PTPRQ: variants seen among roughly 807,000 people sequenced by gnomAD.
The protein encoded by PTPRQ is protein tyrosine phosphatase receptor type Q.
In PTPRQ, 199 loss-of-function variants were observed where a neutral mutation model predicts 246.0. That is an observed-to-expected ratio of 0.81 (90% CI 0.72 to 0.91). The LOEUF (loss-of-function observed/expected upper bound fraction) is 0.91, where lower values mean the gene tolerates loss of function less well. Among genes scored for constraint, PTPRQ ranks in the 40% least tolerant of loss-of-function variants. The probability of loss-of-function intolerance (pLI) is 0.00; values close to 1 mark genes in which losing one functional copy is unlikely to be tolerated. For missense variants in PTPRQ, 2,624 were observed against 2,528.4 expected (o/e 1.04, Z -0.81); for synonymous variants, 869 against 853.2 (o/e 1.02, Z -0.32).
At position 80,493,598 on chromosome 12, in the gene PTPRQ, C is replaced by T. The variant is rs552213943; in HGVS notation, c.1540+143C>T. On this transcript the variant is annotated intron_variant, in intron 10 of 44. Coordinates refer to ENST00000644991, the MANE Select transcript of PTPRQ (RefSeq NM_001145026.2). ...GATTTTTTTTTAGCTGTCGGAAAAC[C>T]TCATGCAACAAATGGAAATGCCACA... is the stretch of plus-strand genomic sequence containing the variant. The T allele has an allele frequency of 8.6e-5, 108 of 1,251,654 alleles. 1 individual carries two copies. The African/African-American group carries it at 1.5e-3, about 17-fold the overall frequency. 77.5% of individuals were successfully genotyped at this position (1,251,654 alleles called of 1,614,324 possible). A position where few individuals can be genotyped will look rare whatever the true frequency, so the allele number is the denominator to read the frequency against.
At chr12:80,525,248 G>T in intron 17 of PTPRQ, among the ~76,000 whole-genome samples, 1 of 152,226 alleles carries the variant, frequency 6.6e-6, no homozygotes, top group Admixed American at 6.6e-5. Flanking sequence ...AAGGGAACAG[G>T]TCAAGATTAC....
At chr12:80,457,064 C>A (rs57063468) in intron 3 of PTPRQ, among the ~76,000 whole-genome samples, 7,350 of 151,976 alleles carry the variant, frequency 0.048, 591 homozygotes, top group African/African-American at 0.17. Flanking sequence ...TTATTCAAAT[C>A]AAATTTTTTT....
chr12:80,636,954 C>T (rs922624179), intron 35 of PTPRQ, among the ~76,000 whole-genome samples: 1 of 152,038 alleles, frequency 6.6e-6, no homozygotes, highest in Admixed American at 6.6e-5. Flanking sequence ...ACACTAAATA[C>T]ATCATCATAA....
rs746459141 is a variant in PTPRQ, at chr12:80,484,439, G to C, written c.1193G>C (p.Gly398Ala). 5.8e-6 allele frequency: 9 copies of C among 1,542,044 alleles called. No homozygotes were observed. The South Asian group carries it at 1.1e-4, about 19-fold the overall frequency. The change falls in exon 9 of 45, where the codon GGG becomes GCG. Residue 398 changes from glycine (G) to alanine (A), a missense_variant. Gly to Ala is a moderately conservative substitution (Grantham distance 60, BLOSUM62 0). Coordinates refer to ENST00000644991, the MANE Select transcript of PTPRQ (RefSeq NM_001145026.2). ...ISVFTPPDVP[G>A]AVFDLQLAEV... ...TTCTTTCTTTCTTTCTTAGTTCCAG[G>C]GGCAGTGTTTGATTTACAACTTGCA...
At chr12:80,616,150 C>A in intron 29 of PTPRQ, 50 bp from the exon 30 acceptor site, 1 of 1,338,448 alleles carries the variant, frequency 7.5e-7, no homozygotes, top group Non-Finnish European at 9.8e-7. Context: ...TATACACACA[C>A]ATACATAAGC....
intron 16 of PTPRQ, among the ~76,000 whole-genome samples, chr12:80,507,237 T>A (rs1382121235): frequency 6.6e-6 from 1 of 151,992 alleles, no homozygotes; most frequent in East Asian, 1.9e-4. Context: ...GAGGCCACTT[T>A]ACATTGATAC....
chr12:80,449,127 G>A (rs1892654766), intron 3 of PTPRQ, among the ~76,000 whole-genome samples: 1 of 151,390 alleles, frequency 6.6e-6, no homozygotes, highest in South Asian at 2.1e-4. Context: ...GATGGCCAGT[G>A]ATACTGAGCA....
At chr12:80,543,656 T>G (rs1896220740) in intron 23 of PTPRQ, among the ~76,000 whole-genome samples, 1 of 152,150 alleles carries the variant, frequency 6.6e-6, no homozygotes, top group East Asian at 1.9e-4. Context: ...ATGACTATGG[T>G]AAATCATTGT....
At chr12:80,584,598 G>T (rs922204764) in intron 25 of PTPRQ, among the ~76,000 whole-genome samples, 1 of 152,090 alleles carries the variant, frequency 6.6e-6, no homozygotes, top group South Asian at 2.1e-4. Context: ...CAGTCTTGCT[G>T]TTTGTTATTG....
At chr12:80,606,351 G>A (rs1454557048) in intron 27 of PTPRQ, among the ~76,000 whole-genome samples, 3 of 151,014 alleles carry the variant, frequency 2.0e-5, no homozygotes, top group Non-Finnish European at 3.0e-5. Context: ...CCTAAGGACA[G>A]CACCCTGGGG....
chr12:80,533,546 A>G (rs1441122585), intron 17 of PTPRQ, among the ~76,000 whole-genome samples: 2 of 152,078 alleles, frequency 1.3e-5, no homozygotes, highest in South Asian at 2.1e-4. Flanking sequence ...CTATTTAGAT[A>G]TTTGTTATTT....
chr12:80,611,712 C>T (rs972369122), intron 28 of PTPRQ, among the ~76,000 whole-genome samples: 94 of 150,322 alleles, frequency 6.3e-4, no homozygotes, highest in African/African-American at 2.1e-3. Flanking sequence ...ATGTGTATAA[C>T]CAAAAATCTG....
intron 19 of PTPRQ, among the ~76,000 whole-genome samples, chr12:80,537,773 T>C (rs1470767537): frequency 6.6e-6 from 1 of 152,172 alleles, no homozygotes; most frequent in East Asian, 1.9e-4. Flanking sequence ...TTTACCCACT[T>C]ATGTTTCCTT....
At chr12:80,482,309 A>C in intron 8 of PTPRQ, among the ~76,000 whole-genome samples, 1 of 151,774 alleles carries the variant, frequency 6.6e-6, no homozygotes, top group East Asian at 1.9e-4. Flanking sequence ...TGCTGGGAAA[A>C]CTGGCTAGCC....
chr12:80,524,513 T>G (rs1482818872), intron 17 of PTPRQ, among the ~76,000 whole-genome samples: 2 of 152,280 alleles, frequency 1.3e-5, no homozygotes, highest in East Asian at 3.9e-4. Context: ...TTGCACAATT[T>G]TAGCATTAAT....
chr12:80,503,125 C>T (rs138551316), intron 14 of PTPRQ, among the ~76,000 whole-genome samples: 7 of 151,938 alleles, frequency 4.6e-5, no homozygotes, highest in South Asian at 2.1e-4. Context: ...CTCCTACACC[C>T]TATCGTTAGT....
chr12:80,642,917 CTT>C (rs1899923000), intron 35 of PTPRQ, among the ~76,000 whole-genome samples: 1 of 48,222 alleles, frequency 2.1e-5, no homozygotes, highest in African/African-American at 2.4e-4. Flanking sequence ...GAGACTCCGT[CTT>C]AAAAAAAAAA....
intron 35 of PTPRQ, among the ~76,000 whole-genome samples, chr12:80,648,038 C>T (rs11114544): frequency 0.086 from 13,044 of 151,976 alleles, 744 homozygotes; most frequent in South Asian, 0.18. Context: ...CTCTTTTTGA[C>T]CATTTTCATA....
chr12:80,516,070 A>C (rs1895290702), intron 17 of PTPRQ, among the ~76,000 whole-genome samples: 1 of 152,204 alleles, frequency 6.6e-6, no homozygotes, highest in Non-Finnish European at 1.5e-5. Flanking sequence ...CAAATGATAC[A>C]CAGTCCTTGA....
Sources: gnomAD v4.1 joint callset for allele counts (sites outside exome capture counted in the v4.1 genomes callset) on GRCh38, gnomAD v4.1.1 for gene constraint, MANE v1.5 for transcripts, NCBI Gene and HGNC (gene_info 2026-07-23, HGNC 2026-07-21) for gene names.